TANC1: variants seen among roughly 807,000 people sequenced by gnomAD.
The protein encoded by TANC1 is tetratricopeptide repeat, ankyrin repeat and coiled-coil containing 1.
Under a neutral mutation model 149.7 loss-of-function variants are expected in TANC1, and 77 were observed. The observed-to-expected ratio is 0.51, with a 90% confidence interval of 0.43 to 0.62. The LOEUF (loss-of-function observed/expected upper bound fraction) is 0.62, where lower values mean the gene tolerates loss of function less well. TANC1 is among the 20% of genes least tolerant of loss of function. The pLI, the probability that TANC1 is intolerant of heterozygous loss-of-function variation, is 0.00. For synonymous variants in TANC1, 854 were observed against 925.0 expected, an observed-to-expected ratio of 0.92 and a Z score of 1.39; for missense variants, 1,985 against 2,321.8, an observed-to-expected ratio of 0.85 and a Z score of 2.98.
rs151298752 is a variant in TANC1, at chr2:158,976,874, C to T, written c.-126+8092C>T. ...CTAGCCTCGGCGGCAGAATGAGACT[C>T]CGTCTTGAAAAACAACAACAACAAC... On this transcript the variant is annotated intron_variant, in intron 1 of 26. Transcript: ENST00000263635. Among the ~76,000 whole-genome samples, 240 of 152,120 alleles carry T rather than the reference C, an allele frequency of 1.6e-3. 6 individuals are homozygous for T. The East Asian group carries it at 0.037, about 23-fold the overall frequency.
chr2:159,084,581 G>C (rs2149810322), intron 3 of TANC1, among the ~76,000 whole-genome samples: 2 of 152,248 alleles, frequency 1.3e-5, no homozygotes, highest in East Asian at 3.9e-4. Flanking sequence ...CTTTGCTGAC[G>C]GGACTGCCAG....
At chr2:158,985,095 A>G (rs1452190938) in intron 1 of TANC1, among the ~76,000 whole-genome samples, 1 of 152,068 alleles carries the variant, frequency 6.6e-6, no homozygotes, top group African/African-American at 2.4e-5. Context: ...CTCTGTTAGG[A>G]GGCTTTTGAA....
intron 3 of TANC1, among the ~76,000 whole-genome samples, chr2:159,079,052 T>G (rs150220649): frequency 2.6e-5 from 4 of 152,322 alleles, no homozygotes; most frequent in African/African-American, 9.6e-5. Context: ...TTTGTAGAGA[T>G]ATTTAGATTT....
At chr2:158,991,726 A>G (rs1050902684) in intron 1 of TANC1, among the ~76,000 whole-genome samples, 4 of 152,150 alleles carry the variant, frequency 2.6e-5, no homozygotes, top group Admixed American at 6.5e-5. Context: ...AGCCTGGGCG[A>G]CAGAGTGAGA....
intron 14 of TANC1, 105 bp from the exon 15 acceptor site, chr2:159,185,686 C>T (rs1278426026): frequency 4.1e-6 from 3 of 726,170 alleles, no homozygotes; most frequent in African/African-American, 3.5e-5. Context: ...ATCTTTGTCA[C>T]GGGCATAAAT....
At position 159,063,968 on chromosome 2, in the gene TANC1, G is replaced by T. The variant is rs141094820; in HGVS notation, c.-15-1928G>T. On this transcript the variant is annotated intron_variant, in intron 2 of 26. Coordinates refer to ENST00000263635, the MANE Select transcript of TANC1 (RefSeq NM_033394.3). ...GGTCAATGATCCAGGTAAACACACGGCTCTGGAAGAGTTCACCAAGGCTTG... is the reference window on the plus strand; with the variant it reads ...GGTCAATGATCCAGGTAAACACACGTCTCTGGAAGAGTTCACCAAGGCTTG... Among the ~76,000 whole-genome samples the T allele has an allele frequency of 2.1e-3, 321 of 152,272 alleles. 1 individual carries two copies. The highest frequency in any genetic ancestry group is 7.1e-3 in the African/African-American group (295 of 41,542).
chr2:159,015,986 C>T (rs2038229340), intron 2 of TANC1, among the ~76,000 whole-genome samples: 1 of 152,190 alleles, frequency 6.6e-6, no homozygotes, highest in Admixed American at 6.5e-5. Context: ...CTGTATGTTA[C>T]CCAGTTCCAA....
At chr2:159,041,584 G>A (rs1047742475) in intron 2 of TANC1, among the ~76,000 whole-genome samples, 6 of 152,208 alleles carry the variant, frequency 3.9e-5, no homozygotes, top group Middle Eastern at 3.2e-3. Context: ...AGCGGGACCC[G>A]CTGAGCCAGG....
At chr2:159,208,958 C>T (rs1029423141) in intron 19 of TANC1, among the ~76,000 whole-genome samples, 3 of 152,190 alleles carry the variant, frequency 2.0e-5, no homozygotes, top group Non-Finnish European at 4.4e-5. Context: ...AAGGTAAATA[C>T]TTGTGTGTCT....
rs938406147 is a variant in TANC1, at chr2:158,999,461, C to G, written c.-125-1619C>G. On this transcript the variant is annotated intron_variant, in intron 1 of 26. Coordinates refer to ENST00000263635, the MANE Select transcript of TANC1 (RefSeq NM_033394.3). Reference sequence around the variant, plus strand: ...GGTTAACATGTGAATATTATTGCCTCCCTCAAATAGCCATCCAAGGTAAAC... The same window carrying G: ...GGTTAACATGTGAATATTATTGCCTGCCTCAAATAGCCATCCAAGGTAAAC... Among the ~76,000 whole-genome samples, 7 of 152,272 alleles carry G rather than the reference C, an allele frequency of 4.6e-5. No homozygotes were observed. The East Asian group carries it at 1.4e-3, about 29-fold the overall frequency.
intron 4 of TANC1, among the ~76,000 whole-genome samples, chr2:159,125,626 G>A (rs1448863636): frequency 7.3e-6 from 1 of 137,610 alleles, no homozygotes; most frequent in African/African-American, 2.7e-5. Flanking sequence ...GTCTTACTCT[G>A]TTGCCCAGGC....
At chr2:159,209,203 G>C (rs1559463177) in intron 19 of TANC1, among the ~76,000 whole-genome samples, 2 of 152,156 alleles carry the variant, frequency 1.3e-5, no homozygotes, top group Non-Finnish European at 2.9e-5. Flanking sequence ...CAAGGCTTGG[G>C]GTGTTTGTCT....
Position 159,163,528 on chromosome 2 carries a change from C to A in TANC1, c.928C>A (p.Arg310=), listed in dbSNP as rs370813551. ...SQGSSSLIMP[R]PNSVAATSST... ...GGGCTCCAGCTCACTAATAATGCCA[C>A]GGCCCAACTCAGTTGCAGGTAAGGC... The change falls in exon 8 of 27, where the codon CGG becomes AGG. Residue 310 remains arginine (R), a synonymous_variant. Coordinates refer to ENST00000263635, the MANE Select transcript of TANC1 (RefSeq NM_033394.3). 1 of 1,612,138 alleles carries A rather than the reference C, an allele frequency of 6.2e-7. No homozygotes were observed. The highest frequency in any genetic ancestry group is 1.3e-5 in the African/African-American group (1 of 74,872).
rs544869808 is a variant in TANC1 at position 159,170,852 on chromosome 2, A to G, written c.1351+47A>G. 1.0e-5 allele frequency: 16 copies of G among 1,585,066 alleles called. No homozygotes were observed. The South Asian group carries it at 1.7e-4, about 17-fold the overall frequency. ...TGTCTAGTTTATTAACATAAGATAG[A>G]TGGAGGAAATTGCTGTTCACATAGA... On this transcript the variant is annotated intron_variant, in intron 10 of 26. Coordinates refer to ENST00000263635, the MANE Select transcript of TANC1 (RefSeq NM_033394.3).
At chr2:159,064,981 C>T (rs1340882601) in intron 2 of TANC1, among the ~76,000 whole-genome samples, 1 of 152,094 alleles carries the variant, frequency 6.6e-6, no homozygotes, top group Non-Finnish European at 1.5e-5. Context: ...CTTCTACTTC[C>T]CTTAGTGCAT....
intron 5 of TANC1, chr2:159,148,844 C>T (rs2052451891): frequency 4.4e-6 from 1 of 228,966 alleles, no homozygotes; most frequent in East Asian, 9.6e-5. Context: ...CTTACCCAAG[C>T]TGATGTCTGA....
intron 8 of TANC1, among the ~76,000 whole-genome samples, chr2:159,168,913 G>A (rs966527931): frequency 2.0e-5 from 3 of 152,128 alleles, no homozygotes; most frequent in Non-Finnish European, 4.4e-5. Flanking sequence ...CCACCTGCTT[G>A]TGGTGTTAAG....
chr2:158,991,566 A>G (rs1260883358), intron 1 of TANC1, among the ~76,000 whole-genome samples: 2 of 151,880 alleles, frequency 1.3e-5, no homozygotes, highest in African/African-American at 4.8e-5. Flanking sequence ...ATCCTGGCTA[A>G]CATGATGAAA....
intron 4 of TANC1, among the ~76,000 whole-genome samples, chr2:159,100,897 G>A (rs1216730579): frequency 2.0e-5 from 3 of 152,002 alleles, no homozygotes; most frequent in South Asian, 2.1e-4. Context: ...ACTGACATAT[G>A]GTTGTGAATG....
Sources: gnomAD v4.1 joint callset for allele counts (sites outside exome capture counted in the v4.1 genomes callset) on GRCh38, gnomAD v4.1.1 for gene constraint, MANE v1.5 for transcripts, NCBI Gene and HGNC (gene_info 2026-07-23, HGNC 2026-07-21) for gene names.